The following ATRNL1 variants were observed in gnomAD, a reference collection of about 807,000 sequenced individuals.
ATRNL1 encodes the protein attractin-like protein 1.
In ATRNL1, 95 loss-of-function variants were observed where a neutral mutation model predicts 182.7. The observed-to-expected ratio is 0.52, with a 90% CI of 0.44 to 0.62. The LOEUF (loss-of-function observed/expected upper bound fraction) is 0.62. Among genes scored for constraint, ATRNL1 ranks in the 20% least tolerant of loss-of-function variants. The pLI, the probability that ATRNL1 is intolerant of heterozygous loss-of-function variation, is 0.00. For missense variants in ATRNL1, 1,471 were observed against 1,679.5 expected, an observed-to-expected ratio of 0.88 and a Z score of 2.17; for synonymous variants, 576 against 568.3, an observed-to-expected ratio of 1.01 and a Z score of -0.19.
chr10:115,879,371 A>G, intron 28 of ATRNL1, among the ~76,000 whole-genome samples: 1 of 152,108 alleles, frequency 6.6e-6, no homozygotes, highest in East Asian at 1.9e-4. Flanking sequence ...TGCCTTGGCC[A>G]AGATGACATG....
chr10:115,896,776 G>A (rs1287894288), intron 28 of ATRNL1, among the ~76,000 whole-genome samples: 2 of 152,108 alleles, frequency 1.3e-5, no homozygotes, highest in African/African-American at 4.8e-5. Context: ...GCTGGAAGCT[G>A]TTCAAAAAAT....
chr10:115,515,479 T>C (rs1030421391), intron 24 of ATRNL1, among the ~76,000 whole-genome samples: 3 of 151,842 alleles, frequency 2.0e-5, no homozygotes, highest in Non-Finnish European at 4.4e-5. Context: ...GTTTTGGCCA[T>C]ATGTGAAATT....
intron 19 of ATRNL1, among the ~76,000 whole-genome samples, chr10:115,385,559 T>A (rs1858292109): frequency 6.6e-6 from 1 of 152,208 alleles, no homozygotes; most frequent in Admixed American, 6.5e-5. Flanking sequence ...CGAAGATGTT[T>A]TAAAGTAGAT....
intron 27 of ATRNL1, among the ~76,000 whole-genome samples, chr10:115,735,295 T>C (rs1472656270): frequency 1.3e-5 from 2 of 152,180 alleles, no homozygotes; most frequent in Non-Finnish European, 2.9e-5. Context: ...AAGAAATGTA[T>C]TTAAAATATA....
intron 26 of ATRNL1, among the ~76,000 whole-genome samples, chr10:115,630,502 A>G (rs1488604202): frequency 1.3e-5 from 2 of 151,752 alleles, no homozygotes; most frequent in Non-Finnish European, 2.9e-5. Flanking sequence ...CAACAAATCT[A>G]CTTCTGGGTA....
intron 1 of ATRNL1, 86 bp downstream of exon 1, chr10:115,094,129 C>T: frequency 2.4e-6 from 3 of 1,236,184 alleles, no homozygotes; most frequent in Middle Eastern, 3.0e-4. Flanking sequence ...CCTCCCCCGC[C>T]CCCGTCGCTG....
At chr10:115,661,300 A>T (rs1860668375) in intron 26 of ATRNL1, among the ~76,000 whole-genome samples, 1 of 152,180 alleles carries the variant, frequency 6.6e-6, no homozygotes. Flanking sequence ...TGTTTTTTAA[A>T]TGATCCCTTT....
chr10:115,298,294 G>A (rs539923259), intron 15 of ATRNL1, among the ~76,000 whole-genome samples: 1 of 152,226 alleles, frequency 6.6e-6, no homozygotes, highest in African/African-American at 2.4e-5. Context: ...GATTTATGGT[G>A]TGCTGCAGTA....
At position 115,810,541 on chromosome 10, in the gene ATRNL1, A is replaced by G. The variant is rs1589536617; in HGVS notation, c.3904-37336A>G. Among the ~76,000 whole-genome samples the G allele has an allele frequency of 4.6e-5, 7 of 152,166 alleles. No homozygotes were observed. The South Asian group carries it at 1.5e-3, about 32-fold the overall frequency. On this transcript the variant is annotated intron_variant, in intron 27 of 28. Coordinates refer to ENST00000355044, the MANE Select transcript of ATRNL1 (RefSeq NM_207303.4). ...ATTTTGACAGTGTCTGTAAGATAAT[A>G]AAGTGGCAATTATAGTAGTAAGTTT... is the stretch of plus-strand genomic sequence containing the variant.
chr10:115,809,408 G>A (rs1469207691), intron 27 of ATRNL1, among the ~76,000 whole-genome samples: 4 of 151,900 alleles, frequency 2.6e-5, no homozygotes, highest in Non-Finnish European at 5.9e-5. Context: ...ACCAATATAG[G>A]GGGAATTGAT....
intron 10 of ATRNL1, among the ~76,000 whole-genome samples, chr10:115,256,551 C>T (rs2492982): frequency 0.032 from 4,853 of 151,996 alleles, 96 homozygotes; most frequent in African/African-American, 0.045. Context: ...GTCTTGCTAG[C>T]GGTCTATCAA....
rs140347479 is a variant in ATRNL1, at chr10:115,803,373, G to A, written c.3904-44504G>A. Among the ~76,000 whole-genome samples the A allele has an allele frequency of 5.7e-3, 861 of 152,128 alleles. 2 individuals are homozygous for A. Among genetic ancestry groups the A allele is most frequent in the South Asian group, 9.4e-3 (45 of 4,812 alleles). The stretch of plus-strand genomic sequence containing the variant: ...TTTACAACAGTCATGAAAGTAAAAG[G>A]TAAATTAAGCCATTTCTGAAATATG... On this transcript the variant is annotated intron_variant, in intron 27 of 28. Coordinates refer to ENST00000355044, the MANE Select transcript of ATRNL1 (RefSeq NM_207303.4).
At chr10:115,687,729 G>T (rs1321083302) in intron 26 of ATRNL1, among the ~76,000 whole-genome samples, 1 of 151,778 alleles carries the variant, frequency 6.6e-6, no homozygotes, top group Non-Finnish European at 1.5e-5. Context: ...AGTGTTTGTT[G>T]CAGGCAAAAA....
At chr10:115,424,457 G>A (rs142893250) in intron 20 of ATRNL1, among the ~76,000 whole-genome samples, 213 of 152,196 alleles carry the variant, frequency 1.4e-3, no homozygotes, top group African/African-American at 4.9e-3. Context: ...ATTGAAATTC[G>A]TATTTTGAAG....
chr10:115,107,585 A>G (rs905297231), intron 1 of ATRNL1, among the ~76,000 whole-genome samples: 4 of 152,268 alleles, frequency 2.6e-5, no homozygotes, highest in East Asian at 1.9e-4. Flanking sequence ...GGGTGACTCT[A>G]TAGTTCTGAG....
At chr10:115,708,238 A>G (rs1555053557) in intron 26 of ATRNL1, among the ~76,000 whole-genome samples, 1 of 151,656 alleles carries the variant, frequency 6.6e-6, no homozygotes, top group African/African-American at 2.4e-5. Flanking sequence ...TACTTCACAT[A>G]GATCAGTGTT....
At chr10:115,129,688 C>G (rs1450503864) in intron 5 of ATRNL1, among the ~76,000 whole-genome samples, 153 bp downstream of exon 5, 2 of 152,110 alleles carry the variant, frequency 1.3e-5, no homozygotes, top group African/African-American at 4.8e-5. Flanking sequence ...TAATCAACTT[C>G]TTAATAATTT....
intron 26 of ATRNL1, among the ~76,000 whole-genome samples, chr10:115,718,477 C>A (rs1555056906): frequency 6.6e-6 from 1 of 151,956 alleles, no homozygotes; most frequent in East Asian, 1.9e-4. Flanking sequence ...TCAACAAGTA[C>A]AAAAAGCAAG....
intron 26 of ATRNL1, among the ~76,000 whole-genome samples, chr10:115,571,542 T>C (rs1389958721): frequency 6.6e-6 from 1 of 152,152 alleles, no homozygotes; most frequent in Non-Finnish European, 1.5e-5. Context: ...TTGTAAGTAT[T>C]GAGACCTTCC....
Sources: gnomAD v4.1 joint callset for allele counts (sites outside exome capture counted in the v4.1 genomes callset) on GRCh38, gnomAD v4.1.1 for gene constraint, MANE v1.5 for transcripts, NCBI Gene and HGNC (gene_info 2026-07-23, HGNC 2026-07-21) for gene names.